The following ITPR1 variants were observed in gnomAD, a reference collection of about 807,000 sequenced individuals.
ITPR1 encodes inositol 1,4,5-trisphosphate-gated calcium channel ITPR1.
A neutral mutation model predicts 318.4 loss-of-function variants in ITPR1; 96 were observed. The observed-to-expected ratio is 0.30, with a 90% CI of 0.26 to 0.36. The LOEUF (loss-of-function observed/expected upper bound fraction) is 0.36. Ranked by LOEUF, ITPR1 falls within the 10% of genes least tolerant of loss-of-function variation. The pLI is 1.00. For missense variants in ITPR1, 2,440 were observed against 3,460.2 expected (o/e 0.71, Z 7.40); for synonymous variants, 1,312 against 1,289.9 (o/e 1.02, Z -0.37).
At chr3:4,815,292 T>A in intron 59 of ITPR1, 74 bp downstream of exon 59, 1 of 1,475,792 alleles carries the variant, frequency 6.8e-7, no homozygotes, top group Non-Finnish European at 9.3e-7. Context: ...ACTGCGAGGG[T>A]GTGATGGGCG....
At chr3:4,807,058 G>GCTTACAAAGAGGGGGA (rs1559930060) in intron 55 of ITPR1, among the ~76,000 whole-genome samples, 1 of 147,500 alleles carries the variant, frequency 6.8e-6, no homozygotes, top group Non-Finnish European at 1.5e-5. Flanking sequence ...CTAAGGGTTG[G>GCTTACAAAGAGGGGGA]CTTACAAAGA....
chr3:4,610,999 C>CTCCTTCTCCTTCTCCTTCT (rs1491570466), intron 4 of ITPR1, among the ~76,000 whole-genome samples: 8 of 82,796 alleles, frequency 9.7e-5, no homozygotes, highest in Non-Finnish European at 1.4e-4. Context: ...CCTTCTCCTT[C>CTCCTTCTCCTTCTCCTTCT]CCTTCCCTTC....
At chr3:4,592,350 G>A (rs929953232) in intron 4 of ITPR1, among the ~76,000 whole-genome samples, 1 of 152,156 alleles carries the variant, frequency 6.6e-6, no homozygotes, top group Non-Finnish European at 1.5e-5. Flanking sequence ...TTCATTGTAC[G>A]TAAACATTTG....
chr3:4,620,680 GTTTT>G (rs66922925), intron 4 of ITPR1, among the ~76,000 whole-genome samples: 52,115 of 127,994 alleles, frequency 0.41, 9,904 homozygotes, highest in East Asian at 0.56. Flanking sequence ...TTCTTTGTGG[GTTTT>G]TTTTTTTTTT....
intron 17 of ITPR1, among the ~76,000 whole-genome samples, chr3:4,666,828 A>G (rs934581545): frequency 1.3e-5 from 2 of 152,222 alleles, no homozygotes; most frequent in African/African-American, 2.4e-5. Flanking sequence ...GAGAGAAACC[A>G]GAGATGTATT....
intron 44 of ITPR1, among the ~76,000 whole-genome samples, chr3:4,759,911 G>A (rs3792496): frequency 0.54 from 81,699 of 152,070 alleles, 23,972 homozygotes; most frequent in Non-Finnish European, 0.67. Context: ...AGCCACTGCC[G>A]GGGTCACTGC....
At position 4,574,802 on chromosome 3, in the gene ITPR1, C is replaced by T. The variant is rs551207689; in HGVS notation, c.164-52961C>T. On this transcript the variant is annotated intron_variant, in intron 4 of 61. Transcript: ENST00000649015. The stretch of plus-strand genomic sequence containing the variant: ...CATCAATTTTGCCTGTTCCCACCGC[C>T]TCATGGCCTGGAGAAGTCTATTTCA... Among the ~76,000 whole-genome samples the T allele has an allele frequency of 1.5e-4, 23 of 152,350 alleles. No individual in the cohort carries two copies. In the East Asian group the frequency reaches 4.4e-3, roughly 29 times the overall value.
intron 53 of ITPR1, among the ~76,000 whole-genome samples, chr3:4,798,374 G>A (rs2048023445): frequency 6.6e-6 from 1 of 152,174 alleles, no homozygotes; most frequent in Non-Finnish European, 1.5e-5. Context: ...CTAGTTATCA[G>A]GGAAATGTAA....
intron 30 of ITPR1, among the ~76,000 whole-genome samples, chr3:4,685,534 A>G (rs1478162341): frequency 6.6e-6 from 1 of 152,200 alleles, no homozygotes; most frequent in Non-Finnish European, 1.5e-5. Context: ...GTGTGTTTCA[A>G]TTTCATTTGC....
At chr3:4,494,145 T>G (rs2080367523) in intron 1 of ITPR1, among the ~76,000 whole-genome samples, 2 of 152,214 alleles carry the variant, frequency 1.3e-5, no homozygotes, top group African/African-American at 4.8e-5. Flanking sequence ...GGGAAACAAG[T>G]GCTTTGGGAT....
chr3:4,717,336 TTC>T (rs1574990327), intron 39 of ITPR1, 29 bp from the exon 40 acceptor site: 113 of 1,546,468 alleles, frequency 7.3e-5, no homozygotes, highest in Non-Finnish European at 8.6e-5. Flanking sequence ...TAACATTTCC[TTC>T]TCTCTCTCTC....
At chr3:4,796,507 A>G (rs1001147561) in intron 53 of ITPR1, among the ~76,000 whole-genome samples, 2 of 152,118 alleles carry the variant, frequency 1.3e-5, no homozygotes, top group Non-Finnish European at 2.9e-5. Flanking sequence ...CGCCTCAGGG[A>G]AGTTGTCATG....
chr3:4,564,745 C>G (rs1020327723), intron 4 of ITPR1, among the ~76,000 whole-genome samples: 39 of 152,144 alleles, frequency 2.6e-4, no homozygotes, highest in African/African-American at 8.4e-4. Context: ...AAATACATTT[C>G]TGTTGTTTAT....
chr3:4,716,779 A>G (rs1417025753), intron 39 of ITPR1, among the ~76,000 whole-genome samples: 1 of 152,224 alleles, frequency 6.6e-6, no homozygotes, highest in African/African-American at 2.4e-5. Context: ...CGATGCTGAT[A>G]AATCCCATGT....
At chr3:4,695,085 A>G (rs1341568816) in intron 33 of ITPR1, among the ~76,000 whole-genome samples, 1 of 152,214 alleles carries the variant, frequency 6.6e-6, no homozygotes, top group Non-Finnish European at 1.5e-5. Flanking sequence ...TTACAGTTGC[A>G]TAAAATGCCA....
At chr3:4,808,472 G>A (rs1324938289) in intron 55 of ITPR1, among the ~76,000 whole-genome samples, 1 of 152,220 alleles carries the variant, frequency 6.6e-6, no homozygotes, top group African/African-American at 2.4e-5. Flanking sequence ...AAAGATAAGA[G>A]TAACTCTCAG....
intron 19 of ITPR1, among the ~76,000 whole-genome samples, chr3:4,670,345 T>C (rs1406502878): frequency 6.6e-6 from 1 of 152,236 alleles, no homozygotes; most frequent in African/African-American, 2.4e-5. Flanking sequence ...CTTGGGCTAA[T>C]GCAGGGTTTT....
chr3:4,722,635 C>G (rs1337986783), intron 40 of ITPR1, among the ~76,000 whole-genome samples: 1 of 152,002 alleles, frequency 6.6e-6, no homozygotes, highest in African/African-American at 2.4e-5. Context: ...ATAAAATAAC[C>G]TTATCCTCAA....
intron 4 of ITPR1, among the ~76,000 whole-genome samples, chr3:4,598,033 T>G (rs2090983936): frequency 6.6e-6 from 1 of 152,190 alleles, no homozygotes; most frequent in Non-Finnish European, 1.5e-5. Context: ...GCCTGCTGAG[T>G]CTTCCGTTTC....
Sources: gnomAD v4.1 joint callset for allele counts (sites outside exome capture counted in the v4.1 genomes callset) on GRCh38, gnomAD v4.1.1 for gene constraint, MANE v1.5 for transcripts, NCBI Gene and HGNC (gene_info 2026-07-23, HGNC 2026-07-21) for gene names.